The following MYO6 variants were observed in gnomAD, a reference collection of about 807,000 sequenced individuals.
The protein encoded by MYO6 is myosin VI.
In MYO6, 74 loss-of-function variants were observed where a neutral mutation model predicts 178.7. That is an observed-to-expected ratio of 0.41 (90% CI 0.34 to 0.50). The LOEUF is 0.50. Among genes scored for constraint, MYO6 ranks in the 20% least tolerant of loss-of-function variants. The probability of loss-of-function intolerance (pLI) is 0.09; values close to 1 mark genes in which losing one functional copy is unlikely to be tolerated. For synonymous variants in MYO6, 477 were observed against 504.6 expected, an observed-to-expected ratio of 0.95 and a Z score of 0.73; for missense variants, 1,330 against 1,547.4, an observed-to-expected ratio of 0.86 and a Z score of 2.36.
rs999239486 is a variant in MYO6 at position 75,886,036 on chromosome 6, T to G, written c.2449T>G (p.Cys817Gly). ...CAAAATAAAATATCGAGCTGAAGCC[T>G]GCATTAAAATGCAAAAAACTATTCG... ...KNKIKYRAEACIKMQKTIRMW... is the reference protein window; with the variant it reads ...KNKIKYRAEAGIKMQKTIRMW... Residue 817 changes from cysteine to glycine, a missense_variant, in exon 24 of 35, where the codon TGC becomes GGC. Cys to Gly is a radical substitution (Grantham distance 159). This residue lies in a region of MYO6 where 601 missense variants were observed against 626.1 expected (regional missense o/e 0.96). Transcript: ENST00000369977. 1.3e-5 allele frequency: 21 copies of G among 1,611,390 alleles called. 1 individual carries two copies. The highest frequency in any genetic ancestry group is 1.7e-4 in the Middle Eastern group (1 of 5,884).
chr6:75,790,998 A>T (rs12198817), intron 1 of MYO6, among the ~76,000 whole-genome samples: 22 of 152,124 alleles, frequency 1.4e-4, no homozygotes, highest in Non-Finnish European at 2.4e-4. Context: ...CAGTGGGTCA[A>T]TGTCGGCTCA....
intron 23 of MYO6, among the ~76,000 whole-genome samples, chr6:75,885,664 T>G (rs1474473820): frequency 6.6e-6 from 1 of 152,044 alleles, no homozygotes; most frequent in Non-Finnish European, 1.5e-5. Flanking sequence ...GCCAGGATGG[T>G]CTCAATCTCC....
chr6:75,785,393 T>G (rs1427168143), intron 1 of MYO6, among the ~76,000 whole-genome samples: 1 of 152,090 alleles, frequency 6.6e-6, no homozygotes, highest in Admixed American at 6.6e-5. Flanking sequence ...TTTGTCAAAT[T>G]TATACATCTT....
At chr6:75,908,092 T>G (rs541280721) in intron 31 of MYO6, among the ~76,000 whole-genome samples, 1 of 152,304 alleles carries the variant, frequency 6.6e-6, no homozygotes, top group Admixed American at 6.5e-5. Flanking sequence ...TCACTACACT[T>G]TCCTCCATTG....
In MYO6 at chr6:75,765,376, C is replaced by T. The variant is rs1178905297; in HGVS notation, c.-48+15953C>T. On this transcript the variant is annotated intron_variant, in intron 1 of 34. Coordinates refer to ENST00000369977, the MANE Select transcript of MYO6 (RefSeq NM_004999.4). The stretch of plus-strand genomic sequence containing the variant: ...ATTTTTAGTAGAGATGGGGTTTCAC[C>T]ATGTTGACCAGACTGGTCTTGAATT... Among the ~76,000 whole-genome samples, 28 of 151,748 alleles carry T rather than the reference C, an allele frequency of 1.8e-4. 1 individual carries two copies. Among genetic ancestry groups the T allele is most frequent in the Non-Finnish European group, 1.6e-4 (11 of 67,942 alleles).
chr6:75,825,749 G>A (rs980132824), intron 3 of MYO6, among the ~76,000 whole-genome samples: 3 of 152,038 alleles, frequency 2.0e-5, no homozygotes, highest in African/African-American at 7.2e-5. Context: ...GTGAGCCAGA[G>A]CTGTAATGAT....
intron 5 of MYO6, 98 bp downstream of exon 5, chr6:75,830,643 A>C: frequency 1.6e-6 from 2 of 1,218,028 alleles, no homozygotes; most frequent in East Asian, 2.6e-5. Flanking sequence ...CCATAAATTG[A>C]ATATATATTT....
intron 1 of MYO6, among the ~76,000 whole-genome samples, chr6:75,771,938 G>T (rs1054564168): frequency 2.0e-5 from 3 of 152,218 alleles, no homozygotes; most frequent in African/African-American, 7.2e-5. Flanking sequence ...TAGTTTTTGT[G>T]TACTAATTTT....
intron 32 of MYO6, 121 bp downstream of exon 32, chr6:75,908,748 C>A: frequency 9.6e-7 from 1 of 1,042,422 alleles, no homozygotes; most frequent in Non-Finnish European, 1.5e-6. Context: ...AACTGTGAGC[C>A]ATTGAACCTA....
chr6:75,754,057 TA>T (rs1189577509), intron 1 of MYO6, among the ~76,000 whole-genome samples: 2 of 152,094 alleles, frequency 1.3e-5, no homozygotes, highest in African/African-American at 4.8e-5. Flanking sequence ...AGAGAGGAAA[TA>T]ATTTTTTATA....
chr6:75,765,459 G>A (rs1778335442), intron 1 of MYO6, among the ~76,000 whole-genome samples: 1 of 152,066 alleles, frequency 6.6e-6, no homozygotes, highest in African/African-American at 2.4e-5. Flanking sequence ...TTACAGGCAT[G>A]AGCCACTGCA....
chr6:75,852,738 C>T (rs1775391474), intron 11 of MYO6, among the ~76,000 whole-genome samples: 1 of 152,074 alleles, frequency 6.6e-6, no homozygotes, highest in Non-Finnish European at 1.5e-5. Context: ...CATTGTTTAT[C>T]CATTTGTCAG....
intron 7 of MYO6, among the ~76,000 whole-genome samples, chr6:75,837,994 A>G (rs1583233903): frequency 1.3e-5 from 2 of 151,792 alleles, no homozygotes; most frequent in Middle Eastern, 3.4e-3. Flanking sequence ...GCTGTACAGT[A>G]TGTAGTGTGT....
At chr6:75,760,848 A>G (rs188170860) in intron 1 of MYO6, among the ~76,000 whole-genome samples, 1 of 152,240 alleles carries the variant, frequency 6.6e-6, no homozygotes, top group East Asian at 1.9e-4. Flanking sequence ...AGTATCCCGC[A>G]GGAGATATTT....
intron 1 of MYO6, among the ~76,000 whole-genome samples, chr6:75,780,933 G>A (rs1002571133): frequency 6.6e-6 from 1 of 151,440 alleles, no homozygotes; most frequent in African/African-American, 2.4e-5. Context: ...CCAGCCTCCC[G>A]AGTAGAGTAG....
At chr6:75,759,059 G>A (rs1436817110) in intron 1 of MYO6, among the ~76,000 whole-genome samples, 3 of 151,768 alleles carry the variant, frequency 2.0e-5, no homozygotes, top group Non-Finnish European at 4.4e-5. Context: ...TAGTGGAGAC[G>A]GGGTTTCACC....
chr6:75,840,833 C>A, intron 8 of MYO6, 151 bp downstream of exon 8: 1 of 687,524 alleles, frequency 1.5e-6, no homozygotes, highest in Non-Finnish European at 2.5e-6. Flanking sequence ...TCCACTATGA[C>A]CATCTAAAAG....
At chr6:75,911,726 C>CT (rs1301083894) in intron 33 of MYO6, 28 bp downstream of exon 33, 2 of 1,605,140 alleles carry the variant, frequency 1.2e-6, no homozygotes, top group African/African-American at 2.7e-5. Context: ...AACTCATGAG[C>CT]TAACTGGAAG....
At chr6:75,799,108 A>G (rs1769158537) in intron 1 of MYO6, among the ~76,000 whole-genome samples, 1 of 152,064 alleles carries the variant, frequency 6.6e-6, no homozygotes, top group South Asian at 2.1e-4. Context: ...AAATCAGAAA[A>G]CCAGGCGCGG....
Sources: gnomAD v4.1 joint callset for allele counts (sites outside exome capture counted in the v4.1 genomes callset) on GRCh38, gnomAD v4.1.1 for gene constraint, gnomAD v4.1.1 regional missense constraint, MANE v1.5 for transcripts, NCBI Gene and HGNC (gene_info 2026-07-23, HGNC 2026-07-21) for gene names.